AMMECR1: variants seen among roughly 807,000 people sequenced by gnomAD.
The protein encoded by AMMECR1 is AMMECR nuclear protein 1.
A neutral mutation model predicts 22.5 loss-of-function variants in AMMECR1; 3 were observed. That is an observed-to-expected ratio of 0.13 (90% CI 0.06 to 0.35). The LOEUF (loss-of-function observed/expected upper bound fraction) is 0.35. AMMECR1 is among the 10% of genes least tolerant of loss of function. The pLI is 1.00. For missense variants in AMMECR1, 235 were observed against 278.7 expected, an observed-to-expected ratio of 0.84 and a Z score of 1.12; for synonymous variants, 130 against 116.7, an observed-to-expected ratio of 1.11 and a Z score of -0.74.
At chrX:110,432,874 T>A (rs1033897215) in intron 1 of AMMECR1, among the ~76,000 whole-genome samples, 2 of 112,943 alleles carry the variant, frequency 1.8e-5, no homozygotes, top group Non-Finnish European at 3.7e-5. Flanking sequence ...ACAGCTGCCA[T>A]GTCATGCATC....
At chrX:110,406,278 C>T (rs1385068457) in intron 2 of AMMECR1, among the ~76,000 whole-genome samples, 1 of 106,729 alleles carries the variant, frequency 9.4e-6, no homozygotes, top group Admixed American at 1.0e-4. Context: ...CCCCACAGGC[C>T]CCGGTGTGTG....
At chrX:110,351,821 G>T (rs2068212384) in intron 2 of AMMECR1, among the ~76,000 whole-genome samples, 1 of 112,251 alleles carries the variant, frequency 8.9e-6, no homozygotes, top group Non-Finnish European at 1.9e-5. Flanking sequence ...GAAAGTGTTT[G>T]CAAACCATGT....
At chrX:110,286,755 G>A (rs186684669) in intron 1 of AMMECR1, among the ~76,000 whole-genome samples, 5 of 109,682 alleles carry the variant, frequency 4.6e-5, no homozygotes, top group Admixed American at 9.7e-5. Flanking sequence ...AGCTCCTTCC[G>A]GTTTCATAAA....
chrX:110,208,958 C>A (rs748982664), intron 3 of AMMECR1, among the ~76,000 whole-genome samples: 2 of 111,241 alleles, frequency 1.8e-5, no homozygotes, highest in African/African-American at 6.5e-5. Flanking sequence ...TGCTTTCTAT[C>A]AAAGTTAGAA....
At chrX:110,438,272 G>T (rs377458979) in intron 1 of AMMECR1, among the ~76,000 whole-genome samples, 1 of 111,696 alleles carries the variant, frequency 9.0e-6, no homozygotes, top group Non-Finnish European at 1.9e-5. Flanking sequence ...TGAGTCAAAA[G>T]AATTATATAC....
intron 2 of AMMECR1, among the ~76,000 whole-genome samples, chrX:110,397,218 TC>T (rs1179810731): frequency 9.0e-6 from 1 of 111,125 alleles, no homozygotes; most frequent in Admixed American, 9.6e-5. Context: ...TGTCTAATTC[TC>T]TAGACCTCTT....
chrX:110,432,504 G>C (rs971369545), intron 1 of AMMECR1, among the ~76,000 whole-genome samples: 1 of 112,003 alleles, frequency 8.9e-6, no homozygotes, highest in African/African-American at 3.3e-5. Flanking sequence ...CTGTTGTGAG[G>C]CAGCGTTGGG....
At chrX:110,379,553 C>T (rs993570688) in intron 2 of AMMECR1, among the ~76,000 whole-genome samples, 4 of 111,775 alleles carry the variant, frequency 3.6e-5, no homozygotes, top group African/African-American at 6.5e-5. Context: ...TGTGATTTTA[C>T]GTATTTTAAA....
At chrX:110,374,020 A>T (rs1258161514) in intron 2 of AMMECR1, among the ~76,000 whole-genome samples, 1 of 112,302 alleles carries the variant, frequency 8.9e-6, no homozygotes, top group Non-Finnish European at 1.9e-5. Flanking sequence ...AATAGAAGAC[A>T]CACATGATAT....
chrX:110,336,183 A>G (rs1018778503), intron 2 of AMMECR1, among the ~76,000 whole-genome samples: 2 of 111,793 alleles, frequency 1.8e-5, no homozygotes, highest in African/African-American at 6.5e-5. Context: ...AAGGATTGGC[A>G]AATTACCATC....
chrX:110,319,675 T>A (rs2068071651), upstream of AMMECR1, among the ~76,000 whole-genome samples: 1 of 112,347 alleles, frequency 8.9e-6, no homozygotes, highest in Non-Finnish European at 1.9e-5. Context: ...TCGTTTTATC[T>A]TCACAACAAT....
At chrX:110,324,355 A>G (rs1340796123) in intron 2 of AMMECR1, among the ~76,000 whole-genome samples, 4 of 111,352 alleles carry the variant, frequency 3.6e-5, no homozygotes, top group Non-Finnish European at 7.5e-5. Context: ...TCTTACTACT[A>G]ATAGTTTTTT....
chrX:110,336,512 T>C (rs983384199), intron 2 of AMMECR1, among the ~76,000 whole-genome samples: 1 of 110,238 alleles, frequency 9.1e-6, no homozygotes, highest in Non-Finnish European at 1.9e-5. Context: ...GGTGAAACCC[T>C]GTCTCTACTA....
In AMMECR1 at chrX:110,310,162, G is replaced by T. The variant is rs1023355790; in HGVS notation, c.473+7437C>A. ...GCTCTGTTGCTGCTCTGTGGTTCTGGTAATTCAAAAAGAAATAACATTTGA... is the reference window on the plus strand; with the variant it reads ...GCTCTGTTGCTGCTCTGTGGTTCTGTTAATTCAAAAAGAAATAACATTTGA... On this transcript the variant is annotated intron_variant, in intron 1 of 5. Coordinates refer to ENST00000262844, the MANE Select transcript of AMMECR1 (RefSeq NM_015365.3). Among the ~76,000 whole-genome samples the T allele has an allele frequency of 2.8e-4, 31 of 112,094 alleles. 1 individual carries two copies. Among genetic ancestry groups the T allele is most frequent in the Admixed American group, 2.1e-3 (22 of 10,586 alleles).
intron 2 of AMMECR1, among the ~76,000 whole-genome samples, chrX:110,416,010 A>AG: frequency 9.1e-6 from 1 of 109,487 alleles, no homozygotes; most frequent in African/African-American, 3.4e-5. Flanking sequence ...AAGAGGCAAA[A>AG]AAAAAAAAAA....
intron 2 of AMMECR1, among the ~76,000 whole-genome samples, chrX:110,404,889 G>T (rs777526938): frequency 7.2e-5 from 8 of 111,532 alleles, no homozygotes; most frequent in Non-Finnish European, 9.4e-5. Flanking sequence ...TTAATAACCA[G>T]GAAACAAGAA....
chrX:110,306,463 A>AT (rs1474745961), intron 1 of AMMECR1, among the ~76,000 whole-genome samples: 2 of 108,704 alleles, frequency 1.8e-5, no homozygotes, highest in Non-Finnish European at 3.9e-5. Flanking sequence ...TATTTTTTTT[A>AT]TTTTTTATTT....
At chrX:110,202,312 G>C (rs767582593) in intron 4 of AMMECR1, 134 bp downstream of exon 4, 3 of 469,070 alleles carry the variant, frequency 6.4e-6, no homozygotes, top group Non-Finnish European at 1.1e-5. Flanking sequence ...TGCAGTGGCA[G>C]TGATGGAAGA....
At position 110,281,529 on chromosome X, in the gene AMMECR1, G is replaced by A. The variant is rs565685277; in HGVS notation, c.474-16930C>T. On this transcript the variant is annotated intron_variant, in intron 1 of 5. Transcript: ENST00000262844. ...GTATTTGTTGTGAGACTGTTTCTCCGAAGGTGCTTTATTCCTAACAGGCTT... is the reference window on the plus strand; with the variant it reads ...GTATTTGTTGTGAGACTGTTTCTCCAAAGGTGCTTTATTCCTAACAGGCTT... Among the ~76,000 whole-genome samples, 23 of 112,107 alleles carry A rather than the reference G, an allele frequency of 2.1e-4. No homozygotes were observed. In the South Asian group the frequency reaches 6.4e-3, roughly 31 times the overall value.
Sources: allele counts gnomAD v4.1 joint callset (sites outside exome capture counted in the v4.1 genomes callset), GRCh38; gene constraint gnomAD v4.1.1; transcripts MANE v1.5; gene names NCBI Gene and HGNC (gene_info 2026-07-23, HGNC 2026-07-21).